SLC2A13: variants seen among roughly 807,000 people sequenced by gnomAD.
SLC2A13 encodes solute carrier family 2 member 13.
In SLC2A13, 32 loss-of-function variants were observed where a neutral mutation model predicts 64.4. The ratio of observed to expected loss-of-function variants is 0.50; its 90% CI spans 0.37 to 0.67. The LOEUF (loss-of-function observed/expected upper bound fraction) is 0.67, where lower values mean the gene tolerates loss of function less well. SLC2A13 is among the 30% of genes least tolerant of loss of function. The pLI is 0.00. For synonymous variants in SLC2A13, 338 were observed against 327.1 expected (o/e 1.03, Z -0.36); for missense variants, 743 against 829.2 (o/e 0.90, Z 1.28).
At chr12:39,846,704 G>A (rs548368950) in intron 6 of SLC2A13, among the ~76,000 whole-genome samples, 6 of 152,066 alleles carry the variant, frequency 3.9e-5, no homozygotes, top group Non-Finnish European at 8.8e-5. Context: ...CACTGGCCTC[G>A]GCCTCCTAAA....
At chr12:40,099,830 G>A (rs1453652786) in intron 1 of SLC2A13, among the ~76,000 whole-genome samples, 1 of 151,860 alleles carries the variant, frequency 6.6e-6, no homozygotes, top group African/African-American at 2.4e-5. Flanking sequence ...CACACCAGTA[G>A]GAAGCATAAA....
intron 1 of SLC2A13, among the ~76,000 whole-genome samples, chr12:40,103,155 A>AG (rs1402585630): frequency 6.6e-6 from 1 of 152,206 alleles, no homozygotes; most frequent in Admixed American, 6.5e-5. Context: ...AGGCCTCCAC[A>AG]GCTCTTGCAC....
intron 7 of SLC2A13, among the ~76,000 whole-genome samples, chr12:39,789,474 T>C (rs1404934247): frequency 2.0e-5 from 3 of 152,182 alleles, no homozygotes; most frequent in African/African-American, 7.2e-5. Context: ...TTCCAGTTTT[T>C]AAAATTACAA....
chr12:39,968,749 G>GTTTT (rs10634186), intron 3 of SLC2A13, among the ~76,000 whole-genome samples: 3 of 107,922 alleles, frequency 2.8e-5, no homozygotes, highest in Admixed American at 1.9e-4. Flanking sequence ...TATTTTTGTT[G>GTTTT]TTTTTTTTTG....
intron 7 of SLC2A13, 74 bp from the exon 8 acceptor site, chr12:39,764,932 TTATG>T (rs1184411747): frequency 6.6e-7 from 1 of 1,516,080 alleles, no homozygotes; most frequent in South Asian, 1.2e-5. Context: ...ATGATCATAT[TTATG>T]TATTTGGAAA....
At chr12:39,824,320 T>C (rs1355487803) in intron 7 of SLC2A13, among the ~76,000 whole-genome samples, 2 of 152,220 alleles carry the variant, frequency 1.3e-5, no homozygotes, top group Admixed American at 1.3e-4. Flanking sequence ...CCGACTGATA[T>C]TGAACATCAG....
At chr12:40,012,761 T>C (rs986037729) in intron 3 of SLC2A13, among the ~76,000 whole-genome samples, 2 of 152,160 alleles carry the variant, frequency 1.3e-5, no homozygotes, top group African/African-American at 4.8e-5. Context: ...ATTATATTGG[T>C]TCAGTAATGT....
intron 1 of SLC2A13, among the ~76,000 whole-genome samples, chr12:40,069,541 A>G (rs1178221176): frequency 6.6e-6 from 1 of 152,088 alleles, no homozygotes; most frequent in African/African-American, 2.4e-5. Context: ...AGTACCTGTT[A>G]TTATAATTCA....
rs1428061377 is a variant in SLC2A13, at chr12:40,048,071, A to G, written c.696T>C (p.Tyr232=). 1.9e-6 allele frequency: 3 copies of G among 1,609,406 alleles called. No individual in the cohort carries two copies. Among genetic ancestry groups the G allele is most frequent in the Non-Finnish European group, 2.5e-6 (3 of 1,178,774 alleles). The part of the protein sequence containing the change: ...FASVVDGAFS[Y]LQKDGWRYML... ...CAAACCTCCATCCATCCTTCTGGAG[A>G]TAACTGAAGGCTCCATCAACAACAC... The change falls in exon 2 of 10, where the codon TAT becomes TAC. Residue 232 remains tyrosine, a synonymous_variant. Transcript: ENST00000280871.
chr12:39,807,927 T>C (rs1942029553), intron 7 of SLC2A13, among the ~76,000 whole-genome samples: 1 of 150,994 alleles, frequency 6.6e-6, no homozygotes, highest in African/African-American at 2.5e-5. Flanking sequence ...GAAGATATAA[T>C]TTTGTATGCT....
At chr12:39,970,083 C>G (rs28370618) in intron 3 of SLC2A13, among the ~76,000 whole-genome samples, 3,052 of 152,266 alleles carry the variant, frequency 0.02, 51 homozygotes, top group Non-Finnish European at 0.03. Context: ...TTGCTTTCAT[C>G]AGGTTTGTCA....
chr12:39,975,320 T>G (rs1182900346), intron 3 of SLC2A13, among the ~76,000 whole-genome samples: 2 of 152,220 alleles, frequency 1.3e-5, no homozygotes, highest in Non-Finnish European at 2.9e-5. Flanking sequence ...TGAAAAAAAT[T>G]TATCTTCCCT....
intron 3 of SLC2A13, among the ~76,000 whole-genome samples, chr12:40,011,428 T>C (rs778514483): frequency 3.9e-5 from 6 of 152,188 alleles, no homozygotes; most frequent in Non-Finnish European, 7.4e-5. Context: ...GTCCTTCCCT[T>C]TGTTGGGACT....
At chr12:40,076,195 GGTTT>G (rs992446812) in intron 1 of SLC2A13, among the ~76,000 whole-genome samples, 10 of 152,262 alleles carry the variant, frequency 6.6e-5, no homozygotes, top group South Asian at 4.1e-4. Context: ...TAAAAGTGCA[GGTTT>G]GTTACATGGG....
At position 39,927,223 on chromosome 12, in the gene SLC2A13, C is replaced by T. The variant is rs74832090; in HGVS notation, c.1034+24034G>A. 1.8e-3 allele frequency among the ~76,000 whole-genome samples: 280 copies of T among 152,284 alleles called. 2 individuals are homozygous for T. The highest frequency in any genetic ancestry group is 6.2e-3 in the African/African-American group (257 of 41,570). The stretch of plus-strand genomic sequence containing the variant: ...ATTCCTTTTATGAAATGATCCACTA[C>T]ATTTTGTACATTTTATAGAACCTGG... On this transcript the variant is annotated intron_variant, in intron 4 of 9. Coordinates refer to ENST00000280871, the MANE Select transcript of SLC2A13 (RefSeq NM_052885.4).
intron 3 of SLC2A13, among the ~76,000 whole-genome samples, chr12:39,953,374 G>A (rs2136104175): frequency 6.6e-6 from 1 of 152,124 alleles, no homozygotes; most frequent in African/African-American, 2.4e-5. Context: ...TTTGGTCCCA[G>A]CAGCTGCACA....
intron 4 of SLC2A13, among the ~76,000 whole-genome samples, chr12:39,886,991 A>G (rs2135970104): frequency 6.6e-6 from 1 of 152,334 alleles, no homozygotes; most frequent in Admixed American, 6.5e-5. Flanking sequence ...AGGCAATACT[A>G]AACATTTTAG....
chr12:39,824,875 T>A (rs1473952781), intron 7 of SLC2A13, among the ~76,000 whole-genome samples: 1 of 151,952 alleles, frequency 6.6e-6, no homozygotes. Context: ...CAGGCAGAGA[T>A]CAAGGAGGGT....
At chr12:39,958,273 G>A (rs930862663) in intron 3 of SLC2A13, among the ~76,000 whole-genome samples, 12 of 152,074 alleles carry the variant, frequency 7.9e-5, no homozygotes, top group African/African-American at 2.9e-4. Flanking sequence ...CCTTTCTACT[G>A]CCTGTCTGGC....
Sources: allele counts gnomAD v4.1 joint callset (sites outside exome capture counted in the v4.1 genomes callset), GRCh38; gene constraint gnomAD v4.1.1; transcripts MANE v1.5; gene names NCBI Gene and HGNC (gene_info 2026-07-23, HGNC 2026-07-21).